Variants in RALYL observed in about 807,000 individuals in gnomAD.
The protein encoded by RALYL is RALY RNA binding protein like.
In RALYL, 29 loss-of-function variants were observed where a neutral mutation model predicts 35.1. The ratio of observed to expected loss-of-function variants is 0.83; its 90% CI spans 0.61 to 1.13. The LOEUF (loss-of-function observed/expected upper bound fraction) is 1.13, where lower values mean the gene tolerates loss of function less well. Among genes scored for constraint, RALYL ranks in the 50% most tolerant of loss-of-function variants. The probability of loss-of-function intolerance (pLI) is 0.00; values close to 1 mark genes in which losing one functional copy is unlikely to be tolerated. For missense variants in RALYL, 359 were observed against 360.4 expected (o/e 1.00, Z 0.03); for synonymous variants, 120 against 127.6 (o/e 0.94, Z 0.40).
chr8:84,784,142 T>C (rs1442239722), intron 3 of RALYL, among the ~76,000 whole-genome samples: 1 of 152,228 alleles, frequency 6.6e-6, no homozygotes, highest in Non-Finnish European at 1.5e-5. Context: ...CACCTCCTGG[T>C]TGCTCCTCTA....
At chr8:84,331,675 A>G (rs78521215) in intron 1 of RALYL, among the ~76,000 whole-genome samples, 4,128 of 152,198 alleles carry the variant, frequency 0.027, 103 homozygotes, top group Non-Finnish European at 0.031. Flanking sequence ...TTCCCAAGAT[A>G]TTTTTCATAG....
chr8:84,299,417 GC>G (rs1840355876), intron 1 of RALYL, among the ~76,000 whole-genome samples: 3 of 151,554 alleles, frequency 2.0e-5, no homozygotes, highest in African/African-American at 4.9e-5. Flanking sequence ...AAGGATATTG[GC>G]CTGAAGTTTT....
At chr8:84,537,454 G>A (rs2059692172) in intron 2 of RALYL, among the ~76,000 whole-genome samples, 1 of 148,266 alleles carries the variant, frequency 6.7e-6, no homozygotes, top group South Asian at 2.1e-4. Context: ...TCCAGCCTCA[G>A]TGAAAGTGAA....
At chr8:84,725,559 T>G (rs1391067562) in intron 2 of RALYL, among the ~76,000 whole-genome samples, 1 of 151,774 alleles carries the variant, frequency 6.6e-6, no homozygotes, top group East Asian at 1.9e-4. Context: ...TGATGTTTTG[T>G]GAGCAAACTT....
intron 8 of RALYL, among the ~76,000 whole-genome samples, chr8:84,893,771 A>G (rs756672017): frequency 6.6e-6 from 1 of 152,234 alleles, no homozygotes; most frequent in Non-Finnish European, 1.5e-5. Flanking sequence ...AGGAAACTAT[A>G]GACAAGCAAA....
intron 4 of RALYL, among the ~76,000 whole-genome samples, chr8:84,817,184 C>A (rs1317290126): frequency 6.6e-6 from 1 of 152,074 alleles, no homozygotes; most frequent in Non-Finnish European, 1.5e-5. Context: ...AGTTCACGAA[C>A]CCATTTTCCT....
chr8:84,776,794 C>A (rs940380095), intron 3 of RALYL, among the ~76,000 whole-genome samples: 3 of 152,170 alleles, frequency 2.0e-5, no homozygotes, highest in African/African-American at 4.8e-5. Flanking sequence ...ACTATTATTT[C>A]TCTATTACTG....
intron 5 of RALYL, among the ~76,000 whole-genome samples, chr8:84,852,584 C>T (rs1411031942): frequency 6.6e-6 from 1 of 152,058 alleles, no homozygotes; most frequent in Non-Finnish European, 1.5e-5. Flanking sequence ...ACCATTTTAG[C>T]ATCTTTTATT....
At chr8:84,478,457 A>G (rs959704729) in intron 1 of RALYL, among the ~76,000 whole-genome samples, 9 of 152,232 alleles carry the variant, frequency 5.9e-5, no homozygotes, top group African/African-American at 1.9e-4. Context: ...TGAAAACACT[A>G]TAACATCCAG....
intron 2 of RALYL, among the ~76,000 whole-genome samples, chr8:84,617,666 G>A (rs1192701955): frequency 6.7e-6 from 1 of 149,528 alleles, no homozygotes; most frequent in Non-Finnish European, 1.5e-5. Context: ...TCCCTGTCTT[G>A]TGCCAGTTTT....
At chr8:84,625,819 G>T (rs1006181527) in intron 2 of RALYL, among the ~76,000 whole-genome samples, 1 of 152,172 alleles carries the variant, frequency 6.6e-6, no homozygotes, top group Admixed American at 6.5e-5. Flanking sequence ...AGGAGTTTTT[G>T]TTAGAGCTGG....
At chr8:84,406,128 T>C (rs576546359) in intron 1 of RALYL, among the ~76,000 whole-genome samples, 4 of 151,436 alleles carry the variant, frequency 2.6e-5, no homozygotes, top group Middle Eastern at 3.4e-3. Context: ...ATATGGAGCA[T>C]AGTATTTTAT....
intron 1 of RALYL, among the ~76,000 whole-genome samples, chr8:84,269,427 C>T (rs1407000762): frequency 6.6e-6 from 1 of 152,102 alleles, no homozygotes; most frequent in African/African-American, 2.4e-5. Context: ...GAATTTTTAT[C>T]TTGTGAATGA....
intron 2 of RALYL, among the ~76,000 whole-genome samples, chr8:84,741,614 A>G (rs1807328613): frequency 2.0e-5 from 3 of 151,950 alleles, no homozygotes; most frequent in Admixed American, 6.6e-5. Context: ...CTGAGCACTT[A>G]TGACTTAATC....
chr8:84,428,169 A>G (rs1167633092), intron 1 of RALYL, among the ~76,000 whole-genome samples: 1 of 151,812 alleles, frequency 6.6e-6, no homozygotes, highest in Non-Finnish European at 1.5e-5. Flanking sequence ...TTAAGTTTAT[A>G]CTGAAACTAT....
chr8:84,637,848 T>G (rs1044693185), intron 2 of RALYL, among the ~76,000 whole-genome samples: 1 of 151,840 alleles, frequency 6.6e-6, no homozygotes. Context: ...AAGCTCATAA[T>G]TAGTACAGGC....
chr8:84,288,799 T>C (rs988449085), intron 1 of RALYL, among the ~76,000 whole-genome samples: 5 of 152,176 alleles, frequency 3.3e-5, no homozygotes, highest in African/African-American at 4.8e-5. Context: ...TTTAAGTAAT[T>C]AGTATAATTA....
chr8:84,464,073 T>TTTTTAAAGTTTTTAA (rs2051182681), intron 1 of RALYL, among the ~76,000 whole-genome samples: 2 of 151,798 alleles, frequency 1.3e-5, no homozygotes, highest in Non-Finnish European at 2.9e-5. Context: ...TATTAATATA[T>TTTTTAAAGTTTTTAA]TTTTAAAGTT....
intron 2 of RALYL, among the ~76,000 whole-genome samples, chr8:84,749,062 C>A (rs911933963): frequency 1.3e-5 from 2 of 152,118 alleles, no homozygotes; most frequent in Admixed American, 1.3e-4. Flanking sequence ...TTAAGTTAAC[C>A]TCTCTGTTGT....
Sources: allele counts gnomAD v4.1 joint callset (sites outside exome capture counted in the v4.1 genomes callset), GRCh38; gene constraint gnomAD v4.1.1; transcripts MANE v1.5; gene names NCBI Gene and HGNC (gene_info 2026-07-23, HGNC 2026-07-21).